Variants in FNDC3A observed in about 807,000 individuals in gnomAD.
FNDC3A encodes the protein fibronectin type III domain containing 3A, also known as fibronectin type-III domain-containing protein 3A.
A neutral mutation model predicts 148.9 loss-of-function variants in FNDC3A; 32 were observed. The observed-to-expected ratio is 0.21, with a 90% CI of 0.16 to 0.29. The LOEUF is 0.29. Among genes scored for constraint, FNDC3A ranks in the 10% least tolerant of loss-of-function variants. The pLI is 1.00. For missense variants in FNDC3A, 1,191 were observed against 1,452.8 expected (o/e 0.82, Z 2.93); for synonymous variants, 472 against 473.6 (o/e 1.00, Z 0.04).
rs190546437 is a variant in FNDC3A at position 49,202,617 on chromosome 13, T to A, written c.3155-540T>A. ...CCTATCATTTGTTAAACAGCAGAACTCTTCTTGACTAGTCTTTCTAATAAT... is the reference window on the plus strand; with the variant it reads ...CCTATCATTTGTTAAACAGCAGAACACTTCTTGACTAGTCTTTCTAATAAT... On this transcript the variant is annotated intron_variant, in intron 24 of 25. Transcript: ENST00000492622. 5.3e-5 allele frequency among the ~76,000 whole-genome samples: 8 copies of A among 152,338 alleles called. 1 individual carries two copies. The highest frequency in any genetic ancestry group is 1.9e-4 in the African/African-American group (8 of 41,580).
chr13:49,077,743 G>A (rs1033359860), intron 3 of FNDC3A, among the ~76,000 whole-genome samples: 1 of 152,110 alleles, frequency 6.6e-6, no homozygotes, highest in African/African-American at 2.4e-5. Context: ...CATGTATACC[G>A]ATGTAACAAA....
intron 1 of FNDC3A, among the ~76,000 whole-genome samples, chr13:48,984,085 A>G (rs1221020989): frequency 6.6e-6 from 1 of 152,240 alleles, no homozygotes; most frequent in Non-Finnish European, 1.5e-5. Context: ...TATATCAACA[A>G]TAACCAACTA....
chr13:49,013,905 T>C (rs977547030), intron 2 of FNDC3A, among the ~76,000 whole-genome samples: 9 of 151,910 alleles, frequency 5.9e-5, no homozygotes, highest in Admixed American at 4.6e-4. Context: ...ATTTCATCCA[T>C]GTCCCCACAA....
At chr13:49,006,913 A>G (rs774060982) in intron 2 of FNDC3A, among the ~76,000 whole-genome samples, 1 of 152,092 alleles carries the variant, frequency 6.6e-6, no homozygotes, top group Non-Finnish European at 1.5e-5. Flanking sequence ...GGAAACAAAC[A>G]CTAAAAACAT....
intron 2 of FNDC3A, among the ~76,000 whole-genome samples, chr13:49,018,392 A>G (rs1256894611): frequency 6.6e-6 from 1 of 152,122 alleles, no homozygotes; most frequent in East Asian, 1.9e-4. Context: ...AGTTGATCGC[A>G]TCGGCTCCTG....
intron 3 of FNDC3A, 127 bp downstream of exon 3, chr13:49,075,491 C>CT: frequency 1.7e-6 from 1 of 586,094 alleles, no homozygotes; most frequent in East Asian, 2.9e-5. Context: ...AGCATAAACT[C>CT]TGATATCTTA....
chr13:49,151,302 C>A (rs1883280471), intron 8 of FNDC3A, among the ~76,000 whole-genome samples: 2 of 152,010 alleles, frequency 1.3e-5, no homozygotes, highest in African/African-American at 2.4e-5. Flanking sequence ...TTGTTATATC[C>A]TCTTGCTGAA....
At chr13:48,997,657 T>TA (rs1322529862) in intron 1 of FNDC3A, among the ~76,000 whole-genome samples, 1 of 152,142 alleles carries the variant, frequency 6.6e-6, no homozygotes, top group Admixed American at 6.5e-5. Flanking sequence ...AGAGGGTTCT[T>TA]ACCAAAAAGC....
chr13:49,084,019 A>G (rs1020530079), intron 3 of FNDC3A, among the ~76,000 whole-genome samples: 4 of 152,248 alleles, frequency 2.6e-5, no homozygotes, highest in Admixed American at 1.3e-4. Context: ...GCACAGGCAC[A>G]TAAGGTAATT....
chr13:49,135,727 T>TA (rs1378532588), intron 5 of FNDC3A, among the ~76,000 whole-genome samples: 1 of 152,188 alleles, frequency 6.6e-6, no homozygotes, highest in Non-Finnish European at 1.5e-5. Context: ...CATAATGACT[T>TA]AATTATGTTC....
intron 4 of FNDC3A, among the ~76,000 whole-genome samples, chr13:49,121,081 C>T (rs1881309359): frequency 6.6e-6 from 1 of 152,168 alleles, no homozygotes. Context: ...CTAAAACTCA[C>T]CACATAATTG....
intron 1 of FNDC3A, among the ~76,000 whole-genome samples, chr13:48,995,746 T>G (rs1228321893): frequency 1.3e-5 from 2 of 152,192 alleles, no homozygotes; most frequent in African/African-American, 2.4e-5. Flanking sequence ...AGAATTAGTT[T>G]TGGCAAAAAT....
intron 3 of FNDC3A, among the ~76,000 whole-genome samples, chr13:49,085,369 A>G (rs547429877): frequency 6.6e-6 from 1 of 152,286 alleles, no homozygotes; most frequent in African/African-American, 2.4e-5. Context: ...GTAAATCCTT[A>G]TGCCCATAAG....
At chr13:49,132,072 T>A (rs1052594114) in intron 5 of FNDC3A, among the ~76,000 whole-genome samples, 5 of 152,228 alleles carry the variant, frequency 3.3e-5, no homozygotes, top group African/African-American at 1.2e-4. Flanking sequence ...TTTGCTCAAA[T>A]GAAAGCCAGA....
chr13:49,003,202 A>G (rs1407314454), intron 1 of FNDC3A, among the ~76,000 whole-genome samples: 2 of 152,134 alleles, frequency 1.3e-5, no homozygotes, highest in Non-Finnish European at 2.9e-5. Flanking sequence ...AGTAGCTGGA[A>G]TTACAGGCAC....
rs148134408 is a variant in FNDC3A at position 49,006,135 on chromosome 13, A to G, written c.-39-17A>G. 26 of 895,666 alleles carry G rather than the reference A, an allele frequency of 2.9e-5. No individual in the cohort carries two copies. In the Middle Eastern group the frequency reaches 1.6e-3, roughly 55 times the overall value. The allele number at this position is 895,666 out of a possible 1,614,324, so 55.5% of individuals were successfully genotyped here. ...TAAGGATATACTTACAAATGACTATATATGTTTGTTTTTCAGAATTGGAGC... is the reference window on the plus strand; with the variant it reads ...TAAGGATATACTTACAAATGACTATGTATGTTTGTTTTTCAGAATTGGAGC... On this transcript the variant is annotated splice_polypyrimidine_tract_variant and intron_variant, in intron 1 of 25. Transcript: ENST00000492622.
rs754045916 is a variant in FNDC3A at position 49,191,050 on chromosome 13, G to A, written c.1980G>A (p.Val660=). Residue 660 remains valine (V), a synonymous_variant, in exon 18 of 26, where the codon GTG becomes GTA. Transcript: ENST00000492622. The part of the protein sequence containing the change: ...SESLLVQTPA[V]PPGPCLPPRL... ...CTTTACTTGTGCAGACTCCAGCTGT[G>A]CCTCCTGGCCCATGCCTCCCTCCCA... 3.7e-6 allele frequency: 6 copies of A among 1,613,782 alleles called. No individual in the cohort carries two copies. The highest frequency in any genetic ancestry group is 1.3e-5 in the African/African-American group (1 of 75,028).
At chr13:49,044,567 G>A (rs1029230558) in intron 2 of FNDC3A, 1 of 179,214 alleles carries the variant, frequency 5.6e-6, no homozygotes, top group African/African-American at 2.4e-5. Flanking sequence ...CTACTCAGGA[G>A]GCTGAAGCAG....
chr13:49,010,295 T>C (rs952592287), intron 2 of FNDC3A, among the ~76,000 whole-genome samples: 10 of 152,182 alleles, frequency 6.6e-5, no homozygotes, highest in Non-Finnish European at 1.2e-4. Flanking sequence ...AGGGTAAATA[T>C]TGGCTTGGTG....
Sources: gnomAD v4.1 joint callset for allele counts (sites outside exome capture counted in the v4.1 genomes callset) on GRCh38, gnomAD v4.1.1 for gene constraint, MANE v1.5 for transcripts, NCBI Gene and HGNC (gene_info 2026-07-23, HGNC 2026-07-21) for gene names.